The following HDAC9 variants were observed in gnomAD, a reference collection of about 807,000 sequenced individuals.
HDAC9 encodes MEF-2 interacting transcription repressor (MITR) protein.
HDAC9 carries 41 observed loss-of-function variants against 139.4 expected under a neutral mutation model. The observed-to-expected ratio is 0.29, with a 90% CI of 0.23 to 0.38. The LOEUF (loss-of-function observed/expected upper bound fraction) is 0.38. HDAC9 is among the 10% of genes least tolerant of loss of function. The pLI is 1.00. For missense variants in HDAC9, 1,147 were observed against 1,297.0 expected, an observed-to-expected ratio of 0.88 and a Z score of 1.78; for synonymous variants, 517 against 476.2, an observed-to-expected ratio of 1.09 and a Z score of -1.12.
In HDAC9 at chr7:18,903,634, T is replaced by G. The variant is rs570162973; in HGVS notation, c.2803+29038T>G. 7.2e-5 allele frequency among the ~76,000 whole-genome samples: 11 copies of G among 152,330 alleles called. No homozygotes were observed. The South Asian group carries it at 2.3e-3, about 32-fold the overall frequency. ...CTTGCAGAAAATGTTGACAGCTTTC[T>G]TATCTTTGTGTCAGCTATTTACGCC... On this transcript the variant is annotated intron_variant, in intron 22 of 25. Transcript: ENST00000686413.
intron 1 of HDAC9, among the ~76,000 whole-genome samples, chr7:18,365,825 A>G (rs1784134167): frequency 6.6e-6 from 1 of 152,224 alleles, no homozygotes; most frequent in Admixed American, 6.5e-5. Context: ...TCTGAGTTTA[A>G]TATTAGTAGT....
At chr7:18,868,624 C>G (rs779711354) in intron 21 of HDAC9, among the ~76,000 whole-genome samples, 8 of 152,074 alleles carry the variant, frequency 5.3e-5, no homozygotes, top group Non-Finnish European at 1.0e-4. Flanking sequence ...TCCCATAGTT[C>G]TTGCTACAGT....
intron 8 of HDAC9, among the ~76,000 whole-genome samples, chr7:18,642,916 C>T (rs776069541): frequency 6.6e-6 from 1 of 152,084 alleles, no homozygotes; most frequent in African/African-American, 2.4e-5. Context: ...GTCAAATCCC[C>T]TAGTCCATAT....
chr7:18,113,934 T>C (rs1231384454), intron 1 of HDAC9, among the ~76,000 whole-genome samples: 1 of 152,228 alleles, frequency 6.6e-6, no homozygotes, highest in Non-Finnish European at 1.5e-5. Context: ...TGAATATACA[T>C]ATGTAATCTG....
chr7:18,882,080 G>A (rs142599951), intron 22 of HDAC9, among the ~76,000 whole-genome samples: 25 of 152,218 alleles, frequency 1.6e-4, no homozygotes, highest in African/African-American at 6.0e-4. Context: ...CTGGAACATA[G>A]TCTAAATAGC....
chr7:18,948,688 C>T (rs1354420879), intron 23 of HDAC9, among the ~76,000 whole-genome samples: 1 of 152,082 alleles, frequency 6.6e-6, no homozygotes, highest in East Asian at 1.9e-4. Flanking sequence ...ACATTCCATA[C>T]ATACTTAAAA....
chr7:18,710,515 C>T (rs527508177), intron 12 of HDAC9, among the ~76,000 whole-genome samples: 371 of 152,128 alleles, frequency 2.4e-3, no homozygotes, highest in Non-Finnish European at 4.6e-3. Flanking sequence ...CACATACATA[C>T]GTATATATAT....
At chr7:18,399,121 G>A (rs1787312332) in intron 1 of HDAC9, among the ~76,000 whole-genome samples, 1 of 152,030 alleles carries the variant, frequency 6.6e-6, no homozygotes, top group Admixed American at 6.6e-5. Context: ...CTTATAAAAG[G>A]CTTTAGTTTT....
chr7:18,284,637 C>G (rs959689180), intron 2 of HDAC9, among the ~76,000 whole-genome samples: 1 of 152,082 alleles, frequency 6.6e-6, no homozygotes, highest in East Asian at 1.9e-4. Context: ...AGAACTTGGC[C>G]GATTTATCTA....
chr7:18,924,988 A>C (rs1804087902), intron 22 of HDAC9, among the ~76,000 whole-genome samples: 1 of 152,162 alleles, frequency 6.6e-6, no homozygotes, highest in Non-Finnish European at 1.5e-5. Context: ...TGCAAGGGTT[A>C]GTTTGAAAAG....
chr7:18,827,338 T>G (rs574737212), intron 17 of HDAC9, among the ~76,000 whole-genome samples: 1 of 152,284 alleles, frequency 6.6e-6, no homozygotes, highest in South Asian at 2.1e-4. Context: ...ACATAGTTAA[T>G]GGCACCCTTA....
Position 18,666,370 on chromosome 7 carries a change from TG to T in HDAC9, c.1628del (p.Gly543AspfsTer6). Reference sequence around the variant, plus strand: ...AGCAGTGCTTGTGTGGATGACACACTGGGACAAGTTGGGGCTGTGAAGGTCA... The same window carrying T: ...AGCAGTGCTTGTGTGGATGACACACTGGACAAGTTGGGGCTGTGAAGGTCA... ...SDSSACVDDT[L>X]GQVGAVKVKE... On this transcript the variant is annotated frameshift_variant, in exon 12 of 26. Transcript: ENST00000686413. LOFTEE classifies it high-confidence loss of function. 6.2e-7 allele frequency: 1 copy of T among 1,613,240 alleles called. No homozygotes were observed.
At chr7:18,240,919 G>T (rs1159179666) in intron 2 of HDAC9, among the ~76,000 whole-genome samples, 4 of 151,926 alleles carry the variant, frequency 2.6e-5, no homozygotes, top group Non-Finnish European at 4.4e-5. Context: ...TTTCTTTCAG[G>T]TCTCTGCTCA....
At chr7:18,596,769 G>A (rs1832626991) in intron 6 of HDAC9, among the ~76,000 whole-genome samples, 1 of 152,034 alleles carries the variant, frequency 6.6e-6, no homozygotes, top group African/African-American at 2.4e-5. Flanking sequence ...CAATCTTAGA[G>A]TTAAAAGAAG....
chr7:18,208,165 A>T lies in HDAC9; in HGVS notation c.25+45816A>T, dbSNP rs117957590. ...CTAGCTTACCTGTGGGTGATTTCAGACCAACCTGTTCAGTTCTTCTGTTTG... is the reference window on the plus strand; with the variant it reads ...CTAGCTTACCTGTGGGTGATTTCAGTCCAACCTGTTCAGTTCTTCTGTTTG... On this transcript the variant is annotated intron_variant, in intron 2 of 12. Coordinates refer to the HDAC9 transcript ENST00000417496. 3.6e-3 allele frequency among the ~76,000 whole-genome samples: 541 copies of T among 152,270 alleles called. 1 individual carries two copies. The highest frequency in any genetic ancestry group is 6.5e-3 in the Non-Finnish European group (442 of 68,030).
At chr7:18,678,211 CT>C (rs1781653195) in intron 12 of HDAC9, among the ~76,000 whole-genome samples, 1 of 151,738 alleles carries the variant, frequency 6.6e-6, no homozygotes, top group Admixed American at 6.6e-5. Flanking sequence ...TTTAGTAACT[CT>C]TAACATTAAG....
At chr7:18,389,972 G>T (rs939348452) in intron 1 of HDAC9, among the ~76,000 whole-genome samples, 6 of 150,224 alleles carry the variant, frequency 4.0e-5, no homozygotes, top group African/African-American at 1.2e-4. Flanking sequence ...TTCTCCATAC[G>T]CATCAATTAG....
intron 1 of HDAC9, among the ~76,000 whole-genome samples, chr7:18,460,227 G>A (rs960391683): frequency 3.3e-5 from 5 of 151,970 alleles, no homozygotes; most frequent in Non-Finnish European, 5.9e-5. Flanking sequence ...TGAGTAGAAG[G>A]TATAATTCCA....
chr7:18,383,213 A>G (rs1177853377), intron 1 of HDAC9, among the ~76,000 whole-genome samples: 2 of 152,228 alleles, frequency 1.3e-5, no homozygotes, highest in Non-Finnish European at 2.9e-5. Flanking sequence ...ATAAAGCTGC[A>G]ATAGAAATGA....
Sources: allele counts gnomAD v4.1 joint callset (sites outside exome capture counted in the v4.1 genomes callset), GRCh38; gene constraint gnomAD v4.1.1; transcripts MANE v1.5; gene names NCBI Gene and HGNC (gene_info 2026-07-23, HGNC 2026-07-21).